The following DCPS variants were observed in gnomAD, a reference collection of about 807,000 sequenced individuals.
DCPS encodes the protein m7GpppX diphosphatase.
Under a neutral mutation model 34.7 loss-of-function variants are expected in DCPS, and 27 were observed. That is an observed-to-expected ratio of 0.78 (90% CI 0.57 to 1.07). The LOEUF (loss-of-function observed/expected upper bound fraction) is 1.07. Ranked by LOEUF, DCPS falls within the 50% of genes least tolerant of loss-of-function variation. The pLI is 0.00. For missense variants in DCPS, 464 were observed against 436.9 expected (o/e 1.06, Z -0.55); for synonymous variants, 185 against 185.7 (o/e 1.00, Z 0.03).
At position 126,316,691 on chromosome 11, in the gene DCPS, C is replaced by T. The variant is rs137991846; in HGVS notation, c.376+9947C>T. On this transcript the variant is annotated intron_variant, in intron 2 of 5. Transcript: ENST00000263579. ...TTCTTGAGATGGAGTCTCGCTCTGT[C>T]GCTCAGGCTGTAGTGCGGTGGCGTC... Among the ~76,000 whole-genome samples, 1,109 of 150,430 alleles carry T rather than the reference C, an allele frequency of 7.4e-3. 21 individuals are homozygous for T. The highest frequency in any genetic ancestry group is 0.026 in the African/African-American group (1,044 of 40,698).
In DCPS at chr11:126,323,214, T is replaced by C. The variant is rs1050962248; in HGVS notation, c.377-8191T>C. On this transcript the variant is annotated intron_variant, in intron 2 of 5. Coordinates refer to ENST00000263579, the MANE Select transcript of DCPS (RefSeq NM_014026.6). This position sits in a 1 kb window ranked among gnomAD's most constrained non-coding sequence, Gnocchi z 4.4. ...ATATATCTTGCTTGCACCATGTCTCTGGGCACAACTTGAGTTTGTGATTCA... is the reference window on the plus strand; with the variant it reads ...ATATATCTTGCTTGCACCATGTCTCCGGGCACAACTTGAGTTTGTGATTCA... Among the ~76,000 whole-genome samples, 7 of 152,254 alleles carry C rather than the reference T, an allele frequency of 4.6e-5. 1 individual carries two copies. The highest frequency in any genetic ancestry group is 4.6e-4 in the Admixed American group (7 of 15,276).
At position 126,343,390 on chromosome 11, in the gene DCPS, G is replaced by A. The variant is rs1324192949; in HGVS notation, c.720G>A (p.Leu240=). ...LRDLTPEHLP[L]LRNILHQGQE... is the part of the protein sequence containing the mutation. ...ACCTTACTCCGGAGCACTTGCCGCT[G>A]CTCAGGAACATCCTCCACCAGGGGC... Residue 240 remains leucine (L), a synonymous_variant, in exon 5 of 6, where the codon CTG becomes CTA. Transcript: ENST00000263579. 6.2e-7 allele frequency: 1 copy of A among 1,613,754 alleles called. No homozygotes were observed. Among genetic ancestry groups the A allele is most frequent in the South Asian group, 1.1e-5 (1 of 91,006 alleles).
chr11:126,330,894 G>A (rs917395332), intron 2 of DCPS, among the ~76,000 whole-genome samples: 1 of 151,238 alleles, frequency 6.6e-6, no homozygotes, highest in Middle Eastern at 3.4e-3. Context: ...GCGCCACCAC[G>A]CCCGGTTAAT....
chr11:126,316,999 C>T (rs1394837533), intron 2 of DCPS, among the ~76,000 whole-genome samples: 1 of 143,858 alleles, frequency 7.0e-6, no homozygotes, highest in African/African-American at 2.6e-5. Flanking sequence ...CGCTCTGTCA[C>T]CCAGGCTGGA....
rs920123851 is a variant in DCPS at position 126,336,256 on chromosome 11, T to C, written c.523-2030T>C. On this transcript the variant is annotated intron_variant, in intron 3 of 5. Coordinates refer to ENST00000263579, the MANE Select transcript of DCPS (RefSeq NM_014026.6). The surrounding 1 kb of genome is among the most constrained non-coding windows in gnomAD (Gnocchi z 6.3). ...GCAGTCACTCGTCCTCCAGCCCCGC[T>C]CTTATTTCCTCTCTCACCACCTCCT... 6.6e-6 allele frequency among the ~76,000 whole-genome samples: 1 copy of C among 152,030 alleles called. No homozygotes were observed. Among genetic ancestry groups the C allele is most frequent in the Non-Finnish European group, 1.5e-5 (1 of 67,998 alleles).
rs1951701614 is a variant in DCPS at position 126,320,949 on chromosome 11, G to A, written c.377-10456G>A. ...CCCAGCAGGAGAGTAGAGCAGAAAT[G>A]TCTGGAGAGGGTGACATACCAGGTA... On this transcript the variant is annotated intron_variant, in intron 2 of 5. Coordinates refer to ENST00000263579, the MANE Select transcript of DCPS (RefSeq NM_014026.6). This position sits in a 1 kb window ranked among gnomAD's most constrained non-coding sequence, Gnocchi z 4.7. Among the ~76,000 whole-genome samples, 1 of 152,112 alleles carries A rather than the reference G, an allele frequency of 6.6e-6. No homozygotes were observed. The highest frequency in any genetic ancestry group is 1.5e-5 in the Non-Finnish European group (1 of 68,018).
chr11:126,318,275 C>T (rs765807748), intron 2 of DCPS, among the ~76,000 whole-genome samples: 4 of 152,124 alleles, frequency 2.6e-5, no homozygotes, highest in African/African-American at 7.2e-5. Flanking sequence ...ACCCTTCAGC[C>T]GTGTTTATCC....
In DCPS at chr11:126,323,796, A is replaced by T. The variant is rs1951722930; in HGVS notation, c.377-7609A>T. Among the ~76,000 whole-genome samples the T allele has an allele frequency of 6.6e-6, 1 of 152,048 alleles. No individual in the cohort carries two copies. Among genetic ancestry groups the T allele is most frequent in the African/African-American group, 2.4e-5 (1 of 41,402 alleles). On this transcript the variant is annotated intron_variant, in intron 2 of 5. Coordinates refer to ENST00000263579, the MANE Select transcript of DCPS (RefSeq NM_014026.6). This position sits in a 1 kb window ranked among gnomAD's most constrained non-coding sequence, Gnocchi z 4.4. ...TCAGGTGATCCAAAGTGCTAGGATT[A>T]TAGGCATGAGCCACCAAACCTGACC...
chr11:126,347,426 G>A lies in DCPS; in HGVS notation c.*1813G>A, dbSNP rs1565382693. Among the ~76,000 whole-genome samples, 1 of 152,088 alleles carries A rather than the reference G, an allele frequency of 6.6e-6. No individual in the cohort carries two copies. Among genetic ancestry groups the A allele is most frequent in the Non-Finnish European group, 1.5e-5 (1 of 68,022 alleles). On this transcript the variant is annotated 3_prime_UTR_variant, in exon 6 of 6. Transcript: ENST00000263579. This position sits in a 1 kb window ranked among gnomAD's most constrained non-coding sequence, Gnocchi z 4.2. The stretch of plus-strand genomic sequence containing the variant: ...TTTAGTAGAGACGGGGTTTCACCAT[G>A]TTGGCCAGGCTGGTCTCCAACTCCT...
rs753740795 is a variant in DCPS at position 126,346,082 on chromosome 11, T to C, written c.*469T>C. Among the ~76,000 whole-genome samples the C allele has an allele frequency of 2.0e-5, 3 of 152,208 alleles. No individual in the cohort carries two copies. Among genetic ancestry groups the C allele is most frequent in the Non-Finnish European group, 4.4e-5 (3 of 68,046 alleles). Reference sequence around the variant, plus strand: ...ACTTGGAAGCTTTCAGGAAATTATCTATACAGGTTTCTGATGGCACTTCCT... The same window carrying C: ...ACTTGGAAGCTTTCAGGAAATTATCCATACAGGTTTCTGATGGCACTTCCT... On this transcript the variant is annotated 3_prime_UTR_variant, in exon 6 of 6. Coordinates refer to ENST00000263579, the MANE Select transcript of DCPS (RefSeq NM_014026.6). The surrounding 1 kb of genome is among the most constrained non-coding windows in gnomAD (Gnocchi z 4.1).
At position 126,345,312 on chromosome 11, in the gene DCPS, G is replaced by A. The variant is rs370519459; in HGVS notation, c.748-35G>A. ...CATGGCGCCGGGCCTCAGGCAGCACGGTGACTCCTGACCTGCCTGCCCCTG... is the reference window on the plus strand; with the variant it reads ...CATGGCGCCGGGCCTCAGGCAGCACAGTGACTCCTGACCTGCCTGCCCCTG... On this transcript the variant is annotated intron_variant, in intron 5 of 5. Coordinates refer to ENST00000263579, the MANE Select transcript of DCPS (RefSeq NM_014026.6). This position sits in a 1 kb window ranked among gnomAD's most constrained non-coding sequence, Gnocchi z 7.4. 2.5e-5 allele frequency: 41 copies of A among 1,609,624 alleles called. No homozygotes were observed. The Middle Eastern group carries it at 6.6e-4, about 26-fold the overall frequency.
At chr11:126,343,751 A>T (rs1009618147) in intron 5 of DCPS, among the ~76,000 whole-genome samples, 7 of 151,996 alleles carry the variant, frequency 4.6e-5, no homozygotes, top group Non-Finnish European at 7.4e-5. Flanking sequence ...TGACAACCAC[A>T]TCATGCCAGA....
In DCPS at chr11:126,319,677, T is replaced by C. The variant is rs564458483; in HGVS notation, c.377-11728T>C. 1.3e-5 allele frequency among the ~76,000 whole-genome samples: 2 copies of C among 152,168 alleles called. No individual in the cohort carries two copies. The stretch of plus-strand genomic sequence containing the variant: ...GCTGTTTACGTGTCTCTAGGAAGAA[T>C]TGGAACTAGTCATGTTTCTCCTATC... On this transcript the variant is annotated intron_variant, in intron 2 of 5. Coordinates refer to ENST00000263579, the MANE Select transcript of DCPS (RefSeq NM_014026.6). This position sits in a 1 kb window ranked among gnomAD's most constrained non-coding sequence, Gnocchi z 4.5.
chr11:126,346,654 G>A lies in DCPS; in HGVS notation c.*1041G>A, dbSNP rs148212075. 2.4e-4 allele frequency among the ~76,000 whole-genome samples: 36 copies of A among 152,366 alleles called. 1 individual carries two copies. Among genetic ancestry groups the A allele is most frequent in the African/African-American group, 8.7e-4 (36 of 41,594 alleles). On this transcript the variant is annotated 3_prime_UTR_variant, in exon 6 of 6. Coordinates refer to ENST00000263579, the MANE Select transcript of DCPS (RefSeq NM_014026.6). The surrounding 1 kb of genome is among the most constrained non-coding windows in gnomAD (Gnocchi z 4.1). ...GTCAGAGTAGGGCTGTGGATTTTGT[G>A]CCTTGCTTGGGAAGCTCTCAGGGAT... is the stretch of plus-strand genomic sequence containing the variant.
At chr11:126,340,466 C>T (rs577571767) in intron 4 of DCPS, among the ~76,000 whole-genome samples, 1 of 152,286 alleles carries the variant, frequency 6.6e-6, no homozygotes, top group African/African-American at 2.4e-5. Flanking sequence ...GGACTACAGG[C>T]GTGAGCCACC....
chr11:126,331,682 A>G lies in DCPS; in HGVS notation c.522+132A>G. On this transcript the variant is annotated intron_variant, in intron 3 of 5. Coordinates refer to ENST00000263579, the MANE Select transcript of DCPS (RefSeq NM_014026.6). This position sits in a 1 kb window ranked among gnomAD's most constrained non-coding sequence, Gnocchi z 7.2. The stretch of plus-strand genomic sequence containing the variant: ...AGGGGATGGGGGTACAGTAGAGAGC[A>G]TGGCGGACAGAATCCCCACCTCGTG... 3 of 1,155,522 alleles carry G rather than the reference A, an allele frequency of 2.6e-6. No individual in the cohort carries two copies. Among genetic ancestry groups the G allele is most frequent in the Non-Finnish European group, 3.6e-6 (3 of 836,900 alleles). The allele number at this position is 1,155,522 out of a possible 1,614,324, so 71.6% of individuals were successfully genotyped here. A position where few individuals can be genotyped will look rare whatever the true frequency, so the allele number is the denominator to read the frequency against.
intron 4 of DCPS, among the ~76,000 whole-genome samples, chr11:126,340,383 G>A (rs1380094724): frequency 1.3e-5 from 2 of 151,594 alleles, no homozygotes; most frequent in African/African-American, 2.4e-5. Flanking sequence ...GTGTAGTGGT[G>A]TGATCTCAGC....
intron 4 of DCPS, among the ~76,000 whole-genome samples, chr11:126,339,915 G>C (rs889009128): frequency 6.6e-6 from 1 of 152,198 alleles, no homozygotes; most frequent in African/African-American, 2.4e-5. Flanking sequence ...CACCGTTAAT[G>C]AGAATCCCAG....
At chr11:126,304,990 C>T (rs1951551727) in intron 1 of DCPS, among the ~76,000 whole-genome samples, 1 of 152,218 alleles carries the variant, frequency 6.6e-6, no homozygotes, top group Admixed American at 6.5e-5. Context: ...GAGGCCTAGC[C>T]AGGGCAGATA....
Sources: allele counts gnomAD v4.1 joint callset (sites outside exome capture counted in the v4.1 genomes callset), GRCh38; gene constraint gnomAD v4.1.1; non-coding constraint Gnocchi (gnomAD v3.1); transcripts MANE v1.5; gene names NCBI Gene and HGNC (gene_info 2026-07-23, HGNC 2026-07-21).